C3: variants seen among roughly 807,000 people sequenced by gnomAD.
C3 encodes the protein C3 and PZP-like alpha-2-macroglobulin domain-containing protein 1.
Under a neutral mutation model 207.9 loss-of-function variants are expected in C3, and 97 were observed. The observed-to-expected ratio is 0.47, with a 90% CI of 0.40 to 0.55. The LOEUF (loss-of-function observed/expected upper bound fraction) is 0.55, where lower values mean the gene tolerates loss of function less well. Among genes scored for constraint, C3 ranks in the 20% least tolerant of loss-of-function variants. C3 has a pLI of 0.00. For synonymous variants in C3, 848 were observed against 857.6 expected (o/e 0.99, Z 0.20); for missense variants, 1,684 against 2,171.7 (o/e 0.78, Z 4.46).
chr19:6,711,328 A>AACTTAATAAT (rs1168898148), intron 11 of C3, 132 bp from the exon 12 acceptor site: 317 of 724,452 alleles, frequency 4.4e-4, no homozygotes, highest in Non-Finnish European at 7.2e-4. Flanking sequence ...AGGGATCTGG[A>AACTTAATAAT]GATGGAATCA....
intron 17 of C3, among the ~76,000 whole-genome samples, chr19:6,703,270 C>A (rs1163439284): frequency 6.6e-6 from 1 of 152,138 alleles, no homozygotes; most frequent in African/African-American, 2.4e-5. Flanking sequence ...ATATACAATG[C>A]AGACTGGATT....
chr19:6,681,961 G>A lies in C3; in HGVS notation c.4330C>T (p.Leu1444Phe). The A allele has an allele frequency of 3.1e-6, 5 of 1,613,882 alleles. No homozygotes were observed. The highest frequency in any genetic ancestry group is 4.2e-6 in the Non-Finnish European group (5 of 1,179,766). The part of the protein sequence containing the change: ...LDKAFSDRNT[L>F]IIYLDKVSHS... ...CTTACCTTGTCCAGGTAGATGATGA[G>A]GGTGTTCCTATCGGAGAAGGCTTTG... is the stretch of plus-strand genomic sequence containing the variant. The change falls in exon 35 of 41, where the codon CTC (leucine) becomes TTC (phenylalanine). Residue 1444 changes from leucine to phenylalanine, a missense_variant. By Grantham distance (22) the Leu-to-Phe change is conservative. Transcript: ENST00000245907.
intron 27 of C3, among the ~76,000 whole-genome samples, chr19:6,689,374 T>TCTCTCTCTCTCTCTCTCTCTCTCTCTC (rs1555684230): frequency 1.0e-4 from 12 of 116,378 alleles, no homozygotes; most frequent in African/African-American, 4.5e-4. Context: ...TCTCTCTCTC[T>TCTCTCTCTCTCTCTCTCTCTCTCTCTC]CTCTCTCTCT....
At chr19:6,687,983 A>G (rs950584219) in intron 27 of C3, among the ~76,000 whole-genome samples, 1 of 145,764 alleles carries the variant, frequency 6.9e-6, no homozygotes, top group African/African-American at 2.5e-5. Context: ...CAGCCTTCCC[A>G]GTAGCTGGGA....
chr19:6,707,280 G>A lies in C3; in HGVS notation c.2048-7C>T, dbSNP rs1187953158. 1 of 1,605,086 alleles carries A rather than the reference G, an allele frequency of 6.2e-7. No individual in the cohort carries two copies. Among genetic ancestry groups the A allele is most frequent in the Non-Finnish European group, 8.5e-7 (1 of 1,176,598 alleles). On this transcript the variant is annotated splice_region_variant and splice_polypyrimidine_tract_variant and intron_variant, in intron 16 of 40. Transcript: ENST00000245907. ...TCCTTGGGGTACTTGCCGACTGCGG[G>A]AGCACGTGTTCCCCCAGGCCACACC...
Position 6,720,560 on chromosome 19 carries a change from C to T in C3, c.30G>A (p.Leu10=). Residue 10 remains leucine, a synonymous_variant, in exon 1 of 41, where the codon CTG becomes CTA. Transcript: ENST00000245907. ...GGGGGAGGTGGGTTAGTAGCAGGAG[C>T]AGCAGGCTGGGACCTGAGGTGGGTC... MGPTSGPSL[L]LLLLTHLPLA... 6.3e-7 allele frequency: 1 copy of T among 1,590,510 alleles called. No homozygotes were observed. The highest frequency in any genetic ancestry group is 1.1e-5 in the South Asian group (1 of 87,210).
chr19:6,696,244 A>C (rs1042310942), intron 23 of C3, 135 bp downstream of exon 23: 79 of 665,760 alleles, frequency 1.2e-4, no homozygotes, highest in African/African-American at 1.1e-3. Flanking sequence ...AAAAGAGGGA[A>C]AACAGATCAC....
At chr19:6,714,511 C>T (rs1967991008) in intron 4 of C3, 65 bp from the exon 5 acceptor site, 1 of 1,089,470 alleles carries the variant, frequency 9.2e-7, no homozygotes. Context: ...CTTAGCCTCT[C>T]AGCTCTCCCC....
intron 4 of C3, 100 bp from the exon 5 acceptor site, chr19:6,714,546 GCA>G: frequency 2.4e-6 from 2 of 843,286 alleles, no homozygotes; most frequent in South Asian, 1.4e-5. Context: ...CATTCTCTGT[GCA>G]CAGTGTCTAC....
rs1372591173 is a variant in C3, at chr19:6,684,838, C to A, written c.3970-4G>T. On this transcript the variant is annotated splice_polypyrimidine_tract_variant and splice_region_variant and intron_variant, in intron 30 of 40. Coordinates refer to ENST00000245907, the MANE Select transcript of C3 (RefSeq NM_000064.4). ...TGAAACCCTCATTTTCCTTGGTCTGCAGAGTGAAAAGAGAGAAGAGAGCAT... is the reference window on the plus strand; with the variant it reads ...TGAAACCCTCATTTTCCTTGGTCTGAAGAGTGAAAAGAGAGAAGAGAGCAT... The A allele has an allele frequency of 2.5e-6, 4 of 1,613,954 alleles. No individual in the cohort carries two copies. In the South Asian group the frequency reaches 4.4e-5, roughly 18 times the overall value.
intron 17 of C3, among the ~76,000 whole-genome samples, 163 bp downstream of exon 17, chr19:6,706,913 A>G (rs1024335493): frequency 2.0e-5 from 2 of 102,342 alleles, no homozygotes; most frequent in African/African-American, 8.6e-5. Context: ...CTCCCCCCTG[A>G]GACAGGGACC....
At chr19:6,707,295 C>G (rs1568222951) in intron 16 of C3, 22 bp from the exon 17 acceptor site, 1 of 1,604,372 alleles carries the variant, frequency 6.2e-7, no homozygotes, top group South Asian at 1.1e-5. Flanking sequence ...CGTGTTCCCC[C>G]AGGCCACACC....
rs568486297 is a variant in C3 at position 6,720,380 on chromosome 19, A to G, written c.74+136T>C. Reference sequence around the variant, plus strand: ...ACTCACAGGCAGCCCAAATATATATAATCATTCCCAACCTGCTAACCCCTG... The same window carrying G: ...ACTCACAGGCAGCCCAAATATATATGATCATTCCCAACCTGCTAACCCCTG... On this transcript the variant is annotated intron_variant, in intron 1 of 40. Transcript: ENST00000245907. 378 of 695,970 alleles carry G rather than the reference A, an allele frequency of 5.4e-4. 2 individuals carry two copies. The highest frequency in any genetic ancestry group is 1.9e-3 in the Middle Eastern group (8 of 4,148). The allele number at this position is 695,970 out of a possible 1,614,324, so 43.1% of individuals were successfully genotyped here. A position where few individuals can be genotyped will look rare whatever the true frequency, so the allele number is the denominator to read the frequency against.
In C3 at chr19:6,712,615, T is replaced by C. The variant is rs750890259; in HGVS notation, c.1012A>G (p.Met338Val). ...ATCCCGCTGCGCTCTGCCTGCACCA[T>C]GTCACTGCCTGAGGGGACCAGCTGT... ...ATVILHSGSD[M>V]VQAERSGIPI... Residue 338 changes from methionine to valine, a missense_variant, in exon 10 of 41, where the codon ATG (methionine) becomes GTG (valine). By Grantham distance (21) the Met-to-Val change is conservative. Around this residue, in one of 3 missense-constraint regions of C3, gnomAD observed 1,280 missense variants for 1,739.1 expected, o/e 0.74. Coordinates refer to ENST00000245907, the MANE Select transcript of C3 (RefSeq NM_000064.4). 6.2e-7 allele frequency: 1 copy of C among 1,613,924 alleles called. No individual in the cohort carries two copies. Among genetic ancestry groups the C allele is most frequent in the Non-Finnish European group, 8.5e-7 (1 of 1,179,818 alleles).
chr19:6,684,215 T>C (rs1479786758), intron 33 of C3, 173 bp downstream of exon 33: 3 of 725,012 alleles, frequency 4.1e-6, no homozygotes, highest in Non-Finnish European at 5.1e-6. Context: ...TGGTCTCACA[T>C]TAACATGCAA....
chr19:6,718,089 G>A lies in C3; in HGVS notation c.504+5C>T, dbSNP rs771930436. The A allele has an allele frequency of 1.2e-6, 2 of 1,613,996 alleles. No individual in the cohort carries two copies. The highest frequency in any genetic ancestry group is 2.2e-5 in the South Asian group (2 of 91,080). On this transcript the variant is annotated splice_donor_5th_base_variant and intron_variant, in intron 4 of 40. Transcript: ENST00000245907. ...GCTTCCCCTGGGGCCCCCTCTGGCT[G>A]GCACCTCAATGTTGACCATGACCGT...
Position 6,698,855 on chromosome 19 carries a change from C to T in C3, c.2441-1061G>A, listed in dbSNP as rs918976081. Among the ~76,000 whole-genome samples, 7 of 152,098 alleles carry T rather than the reference C, an allele frequency of 4.6e-5. No homozygotes were observed. In the South Asian group the frequency reaches 6.2e-4, roughly 14 times the overall value. The stretch of plus-strand genomic sequence containing the variant: ...TGTCACCCAGGCTGGAGTGCAGTGG[C>T]GTGATCTTGGCTCACTACAACCTCT... On this transcript the variant is annotated intron_variant, in intron 19 of 40. Coordinates refer to ENST00000245907, the MANE Select transcript of C3 (RefSeq NM_000064.4).
Position 6,712,347 on chromosome 19 carries a change from G to T in C3, c.1179C>A (p.Gly393=), listed in dbSNP as rs760790105. 2 of 1,613,996 alleles carry T rather than the reference G, an allele frequency of 1.2e-6. No homozygotes were observed. Among genetic ancestry groups the T allele is most frequent in the Non-Finnish European group, 1.7e-6 (2 of 1,180,008 alleles). ...GGGTTAGAGACTGCACAGTGTCCTCGCCCTGGACTGCCACGGGGACTCGGT... is the reference window on the plus strand; with the variant it reads ...GGGTTAGAGACTGCACAGTGTCCTCTCCCTGGACTGCCACGGGGACTCGGT... The part of the protein sequence containing the change: ...PAYRVPVAVQ[G]EDTVQSLTQG... The change falls in exon 11 of 41, where the codon GGC becomes GGA. Residue 393 remains glycine (G), a synonymous_variant. Coordinates refer to ENST00000245907, the MANE Select transcript of C3 (RefSeq NM_000064.4).
At position 6,700,682 on chromosome 19, in the gene C3, A is replaced by C. The variant is rs796139070; in HGVS notation, c.2440+1445T>G. Among the ~76,000 whole-genome samples, 16 of 15,602 alleles carry C rather than the reference A, an allele frequency of 1.0e-3. 4 individuals are homozygous for C. The highest frequency in any genetic ancestry group is 2.9e-3 in the African/African-American group (8 of 2,766). The allele number at this position is 15,602 out of a possible 152,430, so 10.2% of individuals were successfully genotyped here. A position where few individuals can be genotyped will look rare whatever the true frequency, so the allele number is the denominator to read the frequency against. On this transcript the variant is annotated intron_variant, in intron 19 of 40. Transcript: ENST00000245907. Reference sequence around the variant, plus strand: ...ATGATATATTATATATGTAATATATAATATATGATATATTATATATGTAAT... The same window carrying C: ...ATGATATATTATATATGTAATATATCATATATGATATATTATATATGTAAT...
Sources: gnomAD v4.1 joint callset for allele counts (sites outside exome capture counted in the v4.1 genomes callset) on GRCh38, gnomAD v4.1.1 for gene constraint, gnomAD v4.1.1 regional missense constraint, MANE v1.5 for transcripts, NCBI Gene and HGNC (gene_info 2026-07-23, HGNC 2026-07-21) for gene names.